AJUBA: variants seen among roughly 807,000 people sequenced by gnomAD.
AJUBA encodes LIM domain-containing protein ajuba.
AJUBA carries 20 observed loss-of-function variants against 53.3 expected under a neutral mutation model. The observed-to-expected ratio is 0.38, with a 90% CI of 0.26 to 0.55. The LOEUF is 0.55. Among genes scored for constraint, AJUBA ranks in the 20% least tolerant of loss-of-function variants. The pLI, the probability that AJUBA is intolerant of heterozygous loss-of-function variation, is 0.80. For missense variants in AJUBA, 580 were observed against 730.5 expected (o/e 0.79, Z 2.38); for synonymous variants, 296 against 306.2 (o/e 0.97, Z 0.35).
At chr14:22,980,910 C>T (rs375464078) in intron 1 of AJUBA, among the ~76,000 whole-genome samples, 1 of 152,086 alleles carries the variant, frequency 6.6e-6, no homozygotes, top group Non-Finnish European at 1.5e-5. Flanking sequence ...CCAGGGGCAC[C>T]GCCGTGAAAG....
At position 22,981,704 on chromosome 14, in the gene AJUBA, AG is replaced by A; in HGVS notation, c.562del (p.Leu188TrpfsTer54). 5 of 1,525,632 alleles carry A rather than the reference AG, an allele frequency of 3.3e-6. No homozygotes were observed. The highest frequency in any genetic ancestry group is 3.5e-6 in the Non-Finnish European group (4 of 1,140,502). The allele number at this position is 1,525,632 out of a possible 1,614,324, so 94.5% of individuals were successfully genotyped here. A position where few individuals can be genotyped will look rare whatever the true frequency, so the allele number is the denominator to read the frequency against. On this transcript the variant is annotated frameshift_variant, in exon 1 of 8. Transcript: ENST00000262713. LOFTEE classifies it high-confidence loss of function. The stretch of plus-strand genomic sequence containing the variant: ...AGAATAGCCTGCCGGTGCTCCGGCC[AG>A]GGGTGGGCCAAACAGGCACGGCCCC... ...PAGPCLFGPPLAGAPAGYSPG... is the reference protein window; with the variant it reads ...PAGPCLFGPPXAGAPAGYSPG...
chr14:22,971,790 GAAAC>G lies in AJUBA; in HGVS notation c.*1649_*1652del, dbSNP rs1352760501. The stretch of plus-strand genomic sequence containing the variant: ...AATTTGTAAAGGAATATTGGATTAA[GAAAC>G]AAAAAAATGATACACAAAATGTCTG... On this transcript the variant is annotated 3_prime_UTR_variant, in exon 8 of 8. Coordinates refer to ENST00000262713, the MANE Select transcript of AJUBA (RefSeq NM_032876.6). 1 of 151,962 alleles carries G rather than the reference GAAAC, an allele frequency of 6.6e-6. No individual in the cohort carries two copies. The highest frequency in any genetic ancestry group is 1.5e-5 in the Non-Finnish European group (1 of 67,962). 9.4% of individuals were successfully genotyped at this position (151,962 alleles called of 1,614,324 possible).
intron 4 of AJUBA, 61 bp downstream of exon 4, chr14:22,976,395 G>C: frequency 1.3e-6 from 2 of 1,524,300 alleles, no homozygotes; most frequent in Non-Finnish European, 1.8e-6. Context: ...TATCCATTTA[G>C]TCCCTGATCC....
chr14:22,980,764 G>T, intron 1 of AJUBA: 1 of 851,178 alleles, frequency 1.2e-6, no homozygotes, highest in Non-Finnish European at 1.4e-6. Flanking sequence ...CAGCCGCCCC[G>T]CCCGCGGGCA....
At chr14:22,973,919 G>T in intron 7 of AJUBA, 128 bp downstream of exon 7, 1 of 1,101,256 alleles carries the variant, frequency 9.1e-7, no homozygotes, top group Non-Finnish European at 1.4e-6. Context: ...CTGAAGATAG[G>T]TCACAATATC....
chr14:22,974,975 T>C lies in AJUBA; in HGVS notation c.1369A>G (p.Lys457Glu). Residue 457 changes from lysine (K) to glutamate (E), a missense_variant and splice_region_variant, in exon 5 of 8, where the codon AAA becomes GAA. This residue lies in a region of AJUBA where 150 missense variants were observed against 259.0 expected (regional missense o/e 0.58). Coordinates refer to ENST00000262713, the MANE Select transcript of AJUBA (RefSeq NM_032876.6). ...NQVYCVTDYH[K>E]NYAPKCAACG... ...CTGCATCCCAAGGGGCAGACTCACTTGTGGTAGTCGGTGACACAGTATACT... is the reference window on the plus strand; with the variant it reads ...CTGCATCCCAAGGGGCAGACTCACTCGTGGTAGTCGGTGACACAGTATACT... 1 of 1,614,132 alleles carries C rather than the reference T, an allele frequency of 6.2e-7. No homozygotes were observed. Among genetic ancestry groups the C allele is most frequent in the South Asian group, 1.1e-5 (1 of 91,074 alleles).
intron 1 of AJUBA, chr14:22,980,567 A>G: frequency 1.0e-6 from 1 of 983,386 alleles, no homozygotes; most frequent in Non-Finnish European, 1.2e-6. Context: ...AGAAGCTGGT[A>G]CTACTGGGTC....
In AJUBA at chr14:22,981,903, A is replaced by G; in HGVS notation, c.364T>C (p.Ser122Pro). 1 of 1,550,690 alleles carries G rather than the reference A, an allele frequency of 6.4e-7. No homozygotes were observed. The highest frequency in any genetic ancestry group is 8.7e-7 in the Non-Finnish European group (1 of 1,152,788). Reference sequence around the variant, plus strand: ...CTGGCCGAGCTACTGGCGAAGCTAGAGCGGGGGCTGAGGGCCGGGGCCGTG... The same window carrying G: ...CTGGCCGAGCTACTGGCGAAGCTAGGGCGGGGGCTGAGGGCCGGGGCCGTG... ...EPTAPALSPRSSFASSSASDA... is the reference protein window; with the variant it reads ...EPTAPALSPRPSFASSSASDA... Residue 122 changes from serine to proline, a missense_variant, in exon 1 of 8, where the codon TCT becomes CCT. Coordinates refer to ENST00000262713, the MANE Select transcript of AJUBA (RefSeq NM_032876.6).
Position 22,974,114 on chromosome 14 carries a change from C to T in AJUBA, c.1424G>A (p.Gly475Asp). The change falls in exon 7 of 8, where the codon GGC becomes GAC. Residue 475 changes from glycine to aspartate, a missense_variant and splice_region_variant. Coordinates refer to ENST00000262713, the MANE Select transcript of AJUBA (RefSeq NM_032876.6). ...TATCACCCTCACGATGTCCTCACAG[C>T]CCTGAAACATGCAGACCCCCATGGA... is the stretch of plus-strand genomic sequence containing the variant. ...ACGQPILPSE[G>D]CEDIVRVISM... 1 of 1,614,150 alleles carries T rather than the reference C, an allele frequency of 6.2e-7. No homozygotes were observed. The highest frequency in any genetic ancestry group is 8.5e-7 in the Non-Finnish European group (1 of 1,180,016).
At chr14:22,974,547 CT>C in intron 6 of AJUBA, 22 of 463,924 alleles carry the variant, frequency 4.7e-5, no homozygotes, top group Middle Eastern at 5.6e-4. Flanking sequence ...TTCTTCCCAC[CT>C]TTTTCCAGCC....
chr14:22,978,961 C>A (rs766313436), intron 1 of AJUBA: 2 of 1,289,188 alleles, frequency 1.6e-6, no homozygotes, highest in Non-Finnish European at 1.0e-6. Context: ...CTCTCCACTG[C>A]AGACTTCCAA....
Position 22,974,820 on chromosome 14 carries a change from A to G in AJUBA, c.1422+19T>C, listed in dbSNP as rs749609130. On this transcript the variant is annotated intron_variant, in intron 6 of 7. Coordinates refer to ENST00000262713, the MANE Select transcript of AJUBA (RefSeq NM_032876.6). The stretch of plus-strand genomic sequence containing the variant: ...GCAGTGGCACTGGCTGCCCTGAAGG[A>G]GAACCCAGACATACTGACCTCAGAG... 2 of 1,607,816 alleles carry G rather than the reference A, an allele frequency of 1.2e-6. No homozygotes were observed. Among genetic ancestry groups the G allele is most frequent in the South Asian group, 2.2e-5 (2 of 90,098 alleles).
rs774173728 is a variant in AJUBA, at chr14:22,975,150, C to T, written c.1240-46G>A. On this transcript the variant is annotated intron_variant, in intron 4 of 7. Coordinates refer to ENST00000262713, the MANE Select transcript of AJUBA (RefSeq NM_032876.6). Reference sequence around the variant, plus strand: ...AGAATCAGTCTCCCTCCAGTCCCAGCTCTCCAGCTGCCCATTATGCTCCTT... The same window carrying T: ...AGAATCAGTCTCCCTCCAGTCCCAGTTCTCCAGCTGCCCATTATGCTCCTT... 14 of 1,588,558 alleles carry T rather than the reference C, an allele frequency of 8.8e-6. No individual in the cohort carries two copies. The Admixed American group carries it at 2.2e-4, about 25-fold the overall frequency.
intron 7 of AJUBA, among the ~76,000 whole-genome samples, 182 bp downstream of exon 7, chr14:22,973,865 A>G (rs1255751578): frequency 2.0e-5 from 3 of 152,204 alleles, no homozygotes; most frequent in South Asian, 2.1e-4. Flanking sequence ...AGAAAGGACT[A>G]AGCTACTTGG....
At chr14:22,974,617 A>G (rs1405335619) in intron 6 of AJUBA, 2 of 559,352 alleles carry the variant, frequency 3.6e-6, no homozygotes, top group Non-Finnish European at 6.3e-6. Context: ...CTGGACTGGG[A>G]TAGAAGAGAT....
intron 1 of AJUBA, 90 bp from the exon 2 acceptor site, chr14:22,978,535 G>T: frequency 6.5e-7 from 1 of 1,534,100 alleles, no homozygotes; most frequent in East Asian, 2.3e-5. Flanking sequence ...GATGTGCCAG[G>T]GGTCACAGTC....
Position 22,976,705 on chromosome 14 carries a change from A to C in AJUBA, c.1116T>G (p.Thr372=). Residue 372 remains threonine, a synonymous_variant, in exon 3 of 8, where the codon ACT becomes ACG. Coordinates refer to ENST00000262713, the MANE Select transcript of AJUBA (RefSeq NM_032876.6). ...CACTGTAGAAAGCCTTGCAACGCAA[A>C]GTTCGCCCTAGAAACAATAGAGAAG... The part of the protein sequence containing the change: ...QCFVCCSCGR[T]LRCKAFYSVN... The C allele has an allele frequency of 6.2e-7, 1 of 1,614,010 alleles. No individual in the cohort carries two copies. The highest frequency in any genetic ancestry group is 8.5e-7 in the Non-Finnish European group (1 of 1,179,982).
chr14:22,981,349 C>A lies in AJUBA; in HGVS notation c.918G>T (p.Pro306=), dbSNP rs377262977. 1.2e-5 allele frequency: 20 copies of A among 1,613,244 alleles called. No homozygotes were observed. In the African/African-American group the frequency reaches 2.3e-4, roughly 18 times the overall value. ...GARGEPSGIE[P]SGLEEPPGPF... ...GACCTGGTGGCTCCTCCAGACCCGA[C>A]GGCTCAATCCCCGAGGGTTCTCCGC... The change falls in exon 1 of 8, where the codon CCG becomes CCT. Residue 306 remains proline, a synonymous_variant. Transcript: ENST00000262713.
intron 1 of AJUBA, chr14:22,980,778 G>A: frequency 1.5e-6 from 1 of 670,582 alleles, no homozygotes; most frequent in African/African-American, 2.0e-5. Context: ...GCGGGCACCT[G>A]GAGCGCCCGG....
Sources: allele counts gnomAD v4.1 joint callset (sites outside exome capture counted in the v4.1 genomes callset), GRCh38; gene constraint gnomAD v4.1.1; regional missense constraint gnomAD v4.1.1; transcripts MANE v1.5; gene names NCBI Gene and HGNC (gene_info 2026-07-23, HGNC 2026-07-21).